The following VWA8 variants were observed in gnomAD, a reference collection of about 807,000 sequenced individuals.
VWA8 encodes the protein von Willebrand factor A domain-containing protein 8.
VWA8 carries 221 observed loss-of-function variants against 241.5 expected under a neutral mutation model. That is an observed-to-expected ratio of 0.91 (90% CI 0.82 to 1.02). VWA8 has a LOEUF of 1.02. Among genes scored for constraint, VWA8 ranks in the 50% least tolerant of loss-of-function variants. VWA8 has a pLI of 0.00. For synonymous variants in VWA8, 852 were observed against 827.1 expected, an observed-to-expected ratio of 1.03 and a Z score of -0.52; for missense variants, 2,322 against 2,328.7, an observed-to-expected ratio of 1.00 and a Z score of 0.06.
intron 20 of VWA8, among the ~76,000 whole-genome samples, chr13:41,775,187 A>T (rs1300637048): frequency 6.6e-6 from 1 of 152,204 alleles, no homozygotes; most frequent in Non-Finnish European, 1.5e-5. Flanking sequence ...AGACTTTTTC[A>T]CTATATAATA....
intron 4 of VWA8, among the ~76,000 whole-genome samples, chr13:41,893,712 C>T (rs562244428): frequency 2.0e-5 from 3 of 152,136 alleles, no homozygotes; most frequent in Admixed American, 6.5e-5. Flanking sequence ...TGTGAAACCC[C>T]GTCTCTACTA....
intron 1 of VWA8, among the ~76,000 whole-genome samples, chr13:41,960,613 A>C (rs536492946): frequency 6.6e-6 from 1 of 152,354 alleles, no homozygotes; most frequent in East Asian, 1.9e-4. Context: ...AGGTCATCAG[A>C]AACCTTAGTC....
chr13:41,583,308 T>C (rs1864447143), intron 42 of VWA8, among the ~76,000 whole-genome samples: 1 of 151,908 alleles, frequency 6.6e-6, no homozygotes, highest in Non-Finnish European at 1.5e-5. Flanking sequence ...TTGGGACAAG[T>C]TAAATGGCAC....
chr13:41,816,853 C>CT, intron 15 of VWA8, 78 bp from the exon 16 acceptor site: 1 of 1,052,726 alleles, frequency 9.5e-7, no homozygotes, highest in Non-Finnish European at 1.4e-6. Context: ...ATTATGACTA[C>CT]TTAGCAAATA....
At chr13:41,663,022 A>T (rs1362019089) in intron 37 of VWA8, among the ~76,000 whole-genome samples, 1 of 152,134 alleles carries the variant, frequency 6.6e-6, no homozygotes, top group Admixed American at 6.6e-5. Context: ...AGGTAGTTCA[A>T]ATTCTGGTCT....
chr13:41,912,920 G>C, intron 2 of VWA8, among the ~76,000 whole-genome samples: 1 of 152,102 alleles, frequency 6.6e-6, no homozygotes, highest in Admixed American at 6.5e-5. Context: ...AAATCACCCA[G>C]TGAGTCCATT....
chr13:41,586,559 CA>C (rs199917720), intron 42 of VWA8, among the ~76,000 whole-genome samples: 1,942 of 138,788 alleles, frequency 0.014, 50 homozygotes, highest in African/African-American at 0.053. Context: ...CTGGGAAATT[CA>C]GGGGGGGCAG....
At chr13:41,736,670 A>C (rs2045527128) in intron 21 of VWA8, among the ~76,000 whole-genome samples, 1 of 152,112 alleles carries the variant, frequency 6.6e-6, no homozygotes. Context: ...GAAAGAAGAC[A>C]CATAAGAGTT....
rs149681227 is a variant in VWA8 at position 41,670,929 on chromosome 13, G to A, written c.4611+17C>T. The A allele has an allele frequency of 8.9e-4, 1,440 of 1,612,690 alleles. 8 individuals are homozygous for A. In the East Asian group the frequency reaches 9.0e-3, roughly 10 times the overall value. ...TGAATGTGCACCTCTAAGAGATAAG[G>A]TGAATTCAAATGGTACCTGCATATT... On this transcript the variant is annotated intron_variant, in intron 37 of 44. Coordinates refer to ENST00000379310, the MANE Select transcript of VWA8 (RefSeq NM_015058.2).
At chr13:41,881,086 C>T (rs1874148310) in intron 9 of VWA8, among the ~76,000 whole-genome samples, 1 of 152,108 alleles carries the variant, frequency 6.6e-6, no homozygotes, top group African/African-American at 2.4e-5. Context: ...TCAGTATGGA[C>T]TCATGGATTC....
In VWA8 at chr13:41,579,342, G is replaced by A. The variant is rs35742771; in HGVS notation, c.5272-3504C>T. 8.6e-3 allele frequency among the ~76,000 whole-genome samples: 1,311 copies of A among 152,242 alleles called. 7 individuals are homozygous for A. The highest frequency in any genetic ancestry group is 0.017 in the South Asian group (83 of 4,818). ...TTAAAAAGTCAAGAGAAATGCCAGCGGAACCCTAGTGTTAGTTACGTAATA... is the reference window on the plus strand; with the variant it reads ...TTAAAAAGTCAAGAGAAATGCCAGCAGAACCCTAGTGTTAGTTACGTAATA... On this transcript the variant is annotated intron_variant, in intron 42 of 44. Transcript: ENST00000379310.
chr13:41,949,914 T>C (rs375658970), intron 2 of VWA8, 22 bp downstream of exon 2: 3 of 1,412,640 alleles, frequency 2.1e-6, no homozygotes, highest in Admixed American at 2.0e-5. Flanking sequence ...TATTCATTCA[T>C]ATATTAATAA....
At chr13:41,833,097 C>G (rs1871542471) in intron 13 of VWA8, among the ~76,000 whole-genome samples, 1 of 152,058 alleles carries the variant, frequency 6.6e-6, no homozygotes, top group African/African-American at 2.4e-5. Context: ...TAAAGTTTTT[C>G]AAACTTACTA....
rs1341904945 is a variant in VWA8, at chr13:41,689,259, T to C, written c.4131+95A>G. On this transcript the variant is annotated intron_variant, in intron 34 of 44. Transcript: ENST00000379310. ...TGATCCAACATGTTTACCAGGAAAT[T>C]ATGTTTTTAATTACCCCTCAAACAG... is the stretch of plus-strand genomic sequence containing the variant. 7 of 1,312,384 alleles carry C rather than the reference T, an allele frequency of 5.3e-6. No individual in the cohort carries two copies. The East Asian group carries it at 1.0e-4, about 19-fold the overall frequency. The allele number at this position is 1,312,384 out of a possible 1,614,324, so 81.3% of individuals were successfully genotyped here. A position where few individuals can be genotyped will look rare whatever the true frequency, so the allele number is the denominator to read the frequency against.
At chr13:41,720,170 A>T (rs1416743609) in intron 25 of VWA8, among the ~76,000 whole-genome samples, 1 of 152,158 alleles carries the variant, frequency 6.6e-6, no homozygotes, top group East Asian at 1.9e-4. Flanking sequence ...GAAAAGATAA[A>T]GCAACAAGAA....
chr13:41,770,901 C>T, intron 20 of VWA8, among the ~76,000 whole-genome samples: 1 of 98,362 alleles, frequency 1.0e-5, no homozygotes, highest in Admixed American at 1.1e-4. Context: ...CTTAAAATGA[C>T]AAAAAAAAAA....
intron 37 of VWA8, among the ~76,000 whole-genome samples, chr13:41,632,402 G>A (rs1566395192): frequency 6.6e-6 from 1 of 152,160 alleles, no homozygotes; most frequent in Non-Finnish European, 1.5e-5. Context: ...CATGACTGTA[G>A]GTAGAAGCAA....
At chr13:41,749,740 C>G (rs1025437489) in intron 21 of VWA8, among the ~76,000 whole-genome samples, 1 of 152,072 alleles carries the variant, frequency 6.6e-6, no homozygotes, top group African/African-American at 2.4e-5. Context: ...TCATTCTCAG[C>G]AAACTATCGC....
chr13:41,953,076 A>T (rs1878207150), intron 1 of VWA8, among the ~76,000 whole-genome samples: 1 of 152,200 alleles, frequency 6.6e-6, no homozygotes, highest in South Asian at 2.1e-4. Flanking sequence ...CAGAACTAAA[A>T]GTGGAAATAG....
Sources: allele counts gnomAD v4.1 joint callset (sites outside exome capture counted in the v4.1 genomes callset), GRCh38; gene constraint gnomAD v4.1.1; transcripts MANE v1.5; gene names NCBI Gene and HGNC (gene_info 2026-07-23, HGNC 2026-07-21).